The following HMGCS1 variants were observed in gnomAD, a reference collection of about 807,000 sequenced individuals.
The protein encoded by HMGCS1 is 3-hydroxy-3-methylglutaryl-CoA synthase 1, also known as hydroxymethylglutaryl-CoA synthase, cytoplasmic.
Under a neutral mutation model 52.3 loss-of-function variants are expected in HMGCS1, and 9 were observed. That is an observed-to-expected ratio of 0.17 (90% CI 0.10 to 0.30). The LOEUF is 0.30. HMGCS1 is among the 10% of genes least tolerant of loss of function. The probability of loss-of-function intolerance (pLI) is 1.00; values close to 1 mark genes in which losing one functional copy is unlikely to be tolerated. For synonymous variants in HMGCS1, 176 were observed against 214.4 expected, an observed-to-expected ratio of 0.82 and a Z score of 1.57; for missense variants, 320 against 620.9, an observed-to-expected ratio of 0.52 and a Z score of 5.15.
Position 43,298,469 on chromosome 5 carries a change from C to T in HMGCS1, c.448+49G>A, listed in dbSNP as rs766023413. ...TAAAGTGTCATCTGGGTCTATTGAA[C>T]CTTAGAAAAAAATTTTGGGGGACGG... On this transcript the variant is annotated intron_variant, in intron 3 of 10. Transcript: ENST00000325110. The surrounding 1 kb of genome is among the most constrained non-coding windows in gnomAD (Gnocchi z 5.6). 1.4e-6 allele frequency: 2 copies of T among 1,466,006 alleles called. No homozygotes were observed. Among genetic ancestry groups the T allele is most frequent in the East Asian group, 2.3e-5 (1 of 43,860 alleles). The allele number at this position is 1,466,006 out of a possible 1,614,324, so 90.8% of individuals were successfully genotyped here.
At chr5:43,308,358 A>G (rs1754681082) in intron 1 of HMGCS1, among the ~76,000 whole-genome samples, 1 of 152,254 alleles carries the variant, frequency 6.6e-6, no homozygotes, top group South Asian at 2.1e-4. Context: ...AGATGATAAA[A>G]TATGTGAAGA....
chr5:43,294,367 T>C, intron 7 of HMGCS1: 1 of 524,774 alleles, frequency 1.9e-6, no homozygotes, highest in South Asian at 2.7e-5. Context: ...TTTCATCTTG[T>C]GGGGAATGAC....
intron 2 of HMGCS1, among the ~76,000 whole-genome samples, chr5:43,300,880 T>C (rs1360500985): frequency 6.6e-6 from 1 of 152,092 alleles, no homozygotes; most frequent in African/African-American, 2.4e-5. Context: ...CTTTTTTTTT[T>C]CTCATTCATC....
chr5:43,309,373 G>A (rs181307588), intron 1 of HMGCS1, among the ~76,000 whole-genome samples: 174 of 152,062 alleles, frequency 1.1e-3, no homozygotes, highest in African/African-American at 3.7e-3. Context: ...GCAAGTAGCT[G>A]GGACTACAGG....
At position 43,298,954 on chromosome 5, in the gene HMGCS1, T is replaced by A. The variant is rs1465451072; in HGVS notation, c.12A>T (p.Ser4=). 1 of 1,611,802 alleles carries A rather than the reference T, an allele frequency of 6.2e-7. No homozygotes were observed. Among genetic ancestry groups the A allele is most frequent in the Non-Finnish European group, 8.5e-7 (1 of 1,178,844 alleles). MPG[S]LPLNAEACWP... is the part of the protein sequence containing the mutation. ...AGCAAGCTTCTGCATTCAAAGGAAGTGATCCAGGCATGGTGAAAGAGCTTT... is the reference window on the plus strand; with the variant it reads ...AGCAAGCTTCTGCATTCAAAGGAAGAGATCCAGGCATGGTGAAAGAGCTTT... Residue 4 remains serine, a synonymous_variant, in exon 3 of 11, where the codon TCA becomes TCT. Coordinates refer to ENST00000325110, the MANE Select transcript of HMGCS1 (RefSeq NM_001098272.3). This position sits in a 1 kb window ranked among gnomAD's most constrained non-coding sequence, Gnocchi z 5.6.
Position 43,298,555 on chromosome 5 carries a change from G to A in HMGCS1, c.411C>T (p.Phe137=), listed in dbSNP as rs1031716368. The change falls in exon 3 of 11, where the codon TTC becomes TTT. Residue 137 remains phenylalanine, a synonymous_variant. Transcript: ENST00000325110. This position sits in a 1 kb window ranked among gnomAD's most constrained non-coding sequence, Gnocchi z 5.6. ...TGGACTCAATCCAGTTAACAGCATT[G>A]AAGACAGCAGCTGTGCCTCCATAGC... ...NACYGGTAAV[F]NAVNWIESSS... 1 of 1,614,016 alleles carries A rather than the reference G, an allele frequency of 6.2e-7. No homozygotes were observed. Among genetic ancestry groups the A allele is most frequent in the African/African-American group, 1.3e-5 (1 of 75,048 alleles).
chr5:43,303,440 G>C (rs4373285), intron 2 of HMGCS1, among the ~76,000 whole-genome samples: 68,573 of 152,120 alleles, frequency 0.45, 16,209 homozygotes, highest in Middle Eastern at 0.61. Context: ...GGAGAGCCCT[G>C]ATCGGGAACC....
In HMGCS1 at chr5:43,298,279, C is replaced by A. The variant is rs1754132195; in HGVS notation, c.449-145G>T. ...AATGCTCTAATTTTTTTTTAAAATT[C>A]ATCTGCCAAGGCTCTGTCATCCATC... On this transcript the variant is annotated intron_variant, in intron 3 of 10. Transcript: ENST00000325110. The surrounding 1 kb of genome is among the most constrained non-coding windows in gnomAD (Gnocchi z 5.6). 8 of 775,916 alleles carry A rather than the reference C, an allele frequency of 1.0e-5. No homozygotes were observed. Among genetic ancestry groups the A allele is most frequent in the Admixed American group, 3.2e-5 (1 of 31,420 alleles). The allele number at this position is 775,916 out of a possible 1,614,324, so 48.1% of individuals were successfully genotyped here.
chr5:43,303,398 C>G (rs1376105106), intron 2 of HMGCS1, among the ~76,000 whole-genome samples: 1 of 152,258 alleles, frequency 6.6e-6, no homozygotes, highest in Non-Finnish European at 1.5e-5. Context: ...CATACTCTCT[C>G]TATGCCATGT....
chr5:43,289,418 T>C lies in HMGCS1; in HGVS notation c.*1713A>G, dbSNP rs1336448842. 1 of 152,654 alleles carries C rather than the reference T, an allele frequency of 6.6e-6. No individual in the cohort carries two copies. The highest frequency in any genetic ancestry group is 1.5e-5 in the Non-Finnish European group (1 of 68,048). The allele number at this position is 152,654 out of a possible 1,614,324, so 9.5% of individuals were successfully genotyped here. On this transcript the variant is annotated 3_prime_UTR_variant, in exon 11 of 11. Transcript: ENST00000325110. ...TCTGAAACATTTCTCTAAAACTTTA[T>C]TTCAAAGTTATTCACCTCACCGTTA...
intron 8 of HMGCS1, among the ~76,000 whole-genome samples, 157 bp from the exon 9 acceptor site, chr5:43,293,130 G>C (rs908643697): frequency 6.6e-6 from 1 of 152,154 alleles, no homozygotes; most frequent in Admixed American, 6.5e-5. Flanking sequence ...ATACCTATTT[G>C]ACAAATCTCC....
chr5:43,299,012 G>GCAAC, intron 2 of HMGCS1, 37 bp from the exon 3 acceptor site: 1 of 1,467,298 alleles, frequency 6.8e-7, no homozygotes, highest in Non-Finnish European at 9.2e-7. Flanking sequence ...ATTGTTTTAG[G>GCAAC]TTATAAGTTG....
chr5:43,302,593 C>T (rs1363336544), intron 2 of HMGCS1, among the ~76,000 whole-genome samples: 1 of 152,168 alleles, frequency 6.6e-6, no homozygotes, highest in African/African-American at 2.4e-5. Flanking sequence ...GTTGTCATTG[C>T]TTACACATGG....
chr5:43,309,829 G>A (rs558432923), intron 1 of HMGCS1, among the ~76,000 whole-genome samples: 1 of 152,338 alleles, frequency 6.6e-6, no homozygotes, highest in South Asian at 2.1e-4. Flanking sequence ...CTCATGGGAT[G>A]AAATATAGGC....
intron 2 of HMGCS1, among the ~76,000 whole-genome samples, chr5:43,304,661 T>C (rs929704022): frequency 3.9e-5 from 6 of 152,204 alleles, no homozygotes; most frequent in African/African-American, 1.2e-4. Context: ...ATACATGACA[T>C]GTTTCATTTG....
intron 2 of HMGCS1, among the ~76,000 whole-genome samples, chr5:43,301,099 G>A (rs76409003): frequency 6.6e-6 from 1 of 152,182 alleles, no homozygotes; most frequent in Non-Finnish European, 1.5e-5. Context: ...AAGCATCCTG[G>A]TTATAGGGGC....
rs1753656758 is a variant in HMGCS1, at chr5:43,289,797, T to C, written c.*1334A>G. On this transcript the variant is annotated 3_prime_UTR_variant, in exon 11 of 11. Coordinates refer to ENST00000325110, the MANE Select transcript of HMGCS1 (RefSeq NM_001098272.3). Reference sequence around the variant, plus strand: ...ATTATATTTCATATTTGTGTATATTTATTTTAGATAACTGAAACTTCACAG... The same window carrying C: ...ATTATATTTCATATTTGTGTATATTCATTTTAGATAACTGAAACTTCACAG... The C allele has an allele frequency of 1.3e-5, 2 of 152,604 alleles. No homozygotes were observed. Among genetic ancestry groups the C allele is most frequent in the African/African-American group, 4.8e-5 (2 of 41,442 alleles). 9.5% of individuals were successfully genotyped at this position (152,604 alleles called of 1,614,324 possible).
intron 2 of HMGCS1, among the ~76,000 whole-genome samples, chr5:43,303,341 G>T (rs1428979789): frequency 6.6e-6 from 1 of 152,174 alleles, no homozygotes; most frequent in Non-Finnish European, 1.5e-5. Context: ...CTCATGATGG[G>T]ATCAGTGCTC....
chr5:43,301,302 A>AG (rs1231636735), intron 2 of HMGCS1, among the ~76,000 whole-genome samples: 1 of 152,220 alleles, frequency 6.6e-6, no homozygotes, highest in Non-Finnish European at 1.5e-5. Flanking sequence ...TAACTAGGTA[A>AG]GGGTTAGGTC....
Sources: gnomAD v4.1 joint callset for allele counts (sites outside exome capture counted in the v4.1 genomes callset) on GRCh38, gnomAD v4.1.1 for gene constraint, Gnocchi (gnomAD v3.1) non-coding constraint, MANE v1.5 for transcripts, NCBI Gene and HGNC (gene_info 2026-07-23, HGNC 2026-07-21) for gene names.